PPP2R2B: variants seen among roughly 807,000 people sequenced by gnomAD.
PPP2R2B encodes serine/threonine-protein phosphatase 2A 55 kDa regulatory subunit B beta isoform.
A neutral mutation model predicts 46.0 loss-of-function variants in PPP2R2B; 5 were observed. The ratio of observed to expected loss-of-function variants is 0.11; its 90% CI spans 0.06 to 0.23. PPP2R2B has a LOEUF of 0.23. PPP2R2B is among the 10% of genes least tolerant of loss of function. The pLI is 1.00. For missense variants in PPP2R2B, 367 were observed against 575.0 expected, an observed-to-expected ratio of 0.64 and a Z score of 3.70; for synonymous variants, 215 against 206.7, an observed-to-expected ratio of 1.04 and a Z score of -0.34.
At chr5:147,055,909 T>C (rs1278721523) in exon 1 of PPP2R2B, 1 of 1,436,008 alleles carries the variant, frequency 7.0e-7, no homozygotes, top group Non-Finnish European at 9.1e-7. Context: ...GGTCCCATTT[T>C]GCCATCAGCG....
At chr5:146,994,806 G>A (rs1191909305) in intron 1 of PPP2R2B, among the ~76,000 whole-genome samples, 2 of 152,186 alleles carry the variant, frequency 1.3e-5, no homozygotes, top group Non-Finnish European at 2.9e-5. Context: ...ACTCAGCACT[G>A]TGCCAACTGC....
At chr5:146,795,997 C>T (rs993601880) in intron 2 of PPP2R2B, among the ~76,000 whole-genome samples, 4 of 152,248 alleles carry the variant, frequency 2.6e-5, no homozygotes, top group East Asian at 1.9e-4. Context: ...ACTATCCCTA[C>T]GTTTTGTCAC....
In PPP2R2B at chr5:146,747,968, G is replaced by A. The variant is rs150248136; in HGVS notation, c.71-46826C>T. Reference sequence around the variant, plus strand: ...TTCTACACAAAGCATGGTTTAACCCGAGATGTTCCAGGGCTGAACCTGCCT... The same window carrying A: ...TTCTACACAAAGCATGGTTTAACCCAAGATGTTCCAGGGCTGAACCTGCCT... On this transcript the variant is annotated intron_variant, in intron 2 of 9. Transcript: ENST00000394411. 8.5e-5 allele frequency among the ~76,000 whole-genome samples: 13 copies of A among 152,234 alleles called. 1 individual carries two copies. The South Asian group carries it at 1.7e-3, about 19-fold the overall frequency.
chr5:146,863,760 T>A (rs747336267), intron 2 of PPP2R2B, among the ~76,000 whole-genome samples: 2 of 152,126 alleles, frequency 1.3e-5, no homozygotes, highest in Non-Finnish European at 2.9e-5. Context: ...AAAAAATGCC[T>A]CAAAGAGCTT....
chr5:146,851,260 C>T (rs1486888372), intron 2 of PPP2R2B, among the ~76,000 whole-genome samples: 1 of 151,960 alleles, frequency 6.6e-6, no homozygotes, highest in Non-Finnish European at 1.5e-5. Context: ...TCATCATTGG[C>T]CTTGGATTTC....
intron 1 of PPP2R2B, among the ~76,000 whole-genome samples, chr5:147,007,719 G>T (rs568880928): frequency 6.6e-6 from 1 of 152,248 alleles, no homozygotes; most frequent in East Asian, 1.9e-4. Context: ...GAACCCACCA[G>T]AAGGAAGAAA....
chr5:146,894,612 G>GTGTT (rs1424395147), intron 1 of PPP2R2B, among the ~76,000 whole-genome samples: 3 of 152,038 alleles, frequency 2.0e-5, no homozygotes, highest in African/African-American at 4.8e-5. Context: ...GCTAATTTTT[G>GTGTT]TGTTTTTAGT....
chr5:146,657,017 T>A (rs1290197981), intron 5 of PPP2R2B, among the ~76,000 whole-genome samples: 1 of 152,182 alleles, frequency 6.6e-6, no homozygotes, highest in Non-Finnish European at 1.5e-5. Flanking sequence ...GTCATTTGGC[T>A]TATTTGGTGA....
At chr5:146,732,931 T>G (rs756659477) in intron 2 of PPP2R2B, among the ~76,000 whole-genome samples, 3 of 152,236 alleles carry the variant, frequency 2.0e-5, no homozygotes, top group Non-Finnish European at 2.9e-5. Context: ...AAGCCCATCT[T>G]CTGCTATTGC....
Position 146,850,220 on chromosome 5 carries a change from G to C in PPP2R2B, c.70+27782C>G, listed in dbSNP as rs574706104. 2.0e-4 allele frequency among the ~76,000 whole-genome samples: 31 copies of C among 152,198 alleles called. No individual in the cohort carries two copies. In the South Asian group the frequency reaches 6.2e-3, roughly 31 times the overall value. ...TTTATGCAGGGACTGCTTCACGTGG[G>C]CATATATTATGTACATTTTGTGTCA... On this transcript the variant is annotated intron_variant, in intron 2 of 9. Coordinates refer to ENST00000394411, the MANE Select transcript of PPP2R2B (RefSeq NM_181675.4).
intron 2 of PPP2R2B, among the ~76,000 whole-genome samples, chr5:147,066,018 G>T (rs142597798): frequency 6.6e-6 from 1 of 152,028 alleles, no homozygotes. Flanking sequence ...TTCCTGATTC[G>T]GGCTGGAATC....
chr5:146,814,119 A>G (rs1367338613), intron 2 of PPP2R2B, among the ~76,000 whole-genome samples: 1 of 152,004 alleles, frequency 6.6e-6, no homozygotes, highest in Non-Finnish European at 1.5e-5. Flanking sequence ...ATGCTTTATA[A>G]TAGATTATGA....
At chr5:146,667,513 G>A (rs544310388) in intron 5 of PPP2R2B, among the ~76,000 whole-genome samples, 1 of 152,024 alleles carries the variant, frequency 6.6e-6, no homozygotes, top group African/African-American at 2.4e-5. Context: ...GCAGGGAGGT[G>A]AAGTAATATT....
chr5:146,962,486 G>A (rs1034091457), intron 1 of PPP2R2B, among the ~76,000 whole-genome samples: 7 of 151,464 alleles, frequency 4.6e-5, no homozygotes, highest in African/African-American at 7.3e-5. Flanking sequence ...GTGAAACCCC[G>A]TCTCTACTAA....
chr5:146,588,413 C>T lies in PPP2R2B; in HGVS notation c.*1534G>A, dbSNP rs1770279462. 1 of 152,074 alleles carries T rather than the reference C, an allele frequency of 6.6e-6. No homozygotes were observed. Among genetic ancestry groups the T allele is most frequent in the Non-Finnish European group, 1.5e-5 (1 of 68,026 alleles). 9.4% of individuals were successfully genotyped at this position (152,074 alleles called of 1,614,324 possible). On this transcript the variant is annotated 3_prime_UTR_variant, in exon 10 of 10. Transcript: ENST00000394411. ...AGCAAATTACACTTGAAAGTCAGGA[C>T]TTCTAATACATCTGTAAACTGAAAG...
At chr5:147,063,653 A>T (rs533979518) in intron 2 of PPP2R2B, among the ~76,000 whole-genome samples, 4 of 152,210 alleles carry the variant, frequency 2.6e-5, no homozygotes, top group Admixed American at 6.5e-5. Context: ...TTAAATCATG[A>T]ATATTATGAA....
chr5:146,608,663 C>T (rs183356552), intron 7 of PPP2R2B, among the ~76,000 whole-genome samples: 369 of 152,146 alleles, frequency 2.4e-3, no homozygotes, highest in African/African-American at 7.8e-3. Context: ...GGCATAGTGG[C>T]GCATGCCTAT....
chr5:147,055,646 C>T lies in PPP2R2B; in HGVS notation c.79+19G>A, dbSNP rs113955839. 1,954 of 1,591,572 alleles carry T rather than the reference C, an allele frequency of 1.2e-3. 21 individuals are homozygous for T. In the African/African-American group the frequency reaches 0.021, roughly 17 times the overall value. On this transcript the variant is annotated intron_variant, in intron 1 of 8. Transcript: ENST00000336640. The stretch of plus-strand genomic sequence containing the variant: ...CACTTTTCCCACCCACCCAGACACT[C>T]TCCCTCTCTGGTCTGTACCTTCTGT...
chr5:146,926,995 G>A (rs1033527318), intron 1 of PPP2R2B, among the ~76,000 whole-genome samples: 1 of 152,128 alleles, frequency 6.6e-6, no homozygotes, highest in African/African-American at 2.4e-5. Flanking sequence ...CAAACTGGTT[G>A]AGTCTCCTTC....
Sources: allele counts gnomAD v4.1 joint callset (sites outside exome capture counted in the v4.1 genomes callset), GRCh38; gene constraint gnomAD v4.1.1; transcripts MANE v1.5; gene names NCBI Gene and HGNC (gene_info 2026-07-23, HGNC 2026-07-21).